SPATA4: variants seen among roughly 807,000 people sequenced by gnomAD.
SPATA4 encodes spermatogenesis associated 4.
SPATA4 carries 35 observed loss-of-function variants against 31.8 expected under a neutral mutation model. The observed-to-expected ratio is 1.10, with a 90% CI of 0.84 to 1.46. The LOEUF (loss-of-function observed/expected upper bound fraction) is 1.46, where lower values mean the gene tolerates loss of function less well. SPATA4 is among the 40% of genes most tolerant of loss of function. The pLI is 0.00. For synonymous variants in SPATA4, 126 were observed against 132.4 expected (o/e 0.95, Z 0.33); for missense variants, 394 against 363.1 (o/e 1.09, Z -0.69).
chr4:176,189,748 C>T (rs911160850), intron 4 of SPATA4, among the ~76,000 whole-genome samples: 4 of 152,146 alleles, frequency 2.6e-5, no homozygotes, highest in Non-Finnish European at 4.4e-5. Context: ...AAAGAACAGA[C>T]TACTCAAAAC....
In SPATA4 at chr4:176,185,547, G is replaced by C. The variant is rs138148360; in HGVS notation, c.806-655C>G. Among the ~76,000 whole-genome samples the C allele has an allele frequency of 2.2e-3, 340 of 152,296 alleles. 1 individual carries two copies. The highest frequency in any genetic ancestry group is 4.8e-3 in the Admixed American group (73 of 15,278). On this transcript the variant is annotated intron_variant, in intron 5 of 5. Coordinates refer to ENST00000280191, the MANE Select transcript of SPATA4 (RefSeq NM_144644.4). ...TTCAGTGCCATTATATGAAATCTTA[G>C]ATGGTAAAACAGAGTTACGTTCCTA... is the stretch of plus-strand genomic sequence containing the variant.
chr4:176,195,315 G>A (rs370688784), intron 1 of SPATA4, 30 bp downstream of exon 1: 36 of 1,607,814 alleles, frequency 2.2e-5, no homozygotes, highest in East Asian at 1.3e-4. Flanking sequence ...GCGCCCACCG[G>A]GGGGGCCTAG....
Position 176,193,046 on chromosome 4 carries a change from T to C in SPATA4, c.379A>G (p.Lys127Glu), listed in dbSNP as rs983934593. ...FLARKKFKLP[K>E]ELIHGTIHCK... ...TGAATTGTTCCATGGATTAGTTCTT[T>C]AGGTAATTTAAATTTTTTTCTTGCC... Residue 127 changes from lysine (K) to glutamate (E), a missense_variant, in exon 3 of 6, where the codon AAA (lysine) becomes GAA (glutamate). By Grantham distance (56) the Lys-to-Glu change is moderately conservative. Coordinates refer to ENST00000280191, the MANE Select transcript of SPATA4 (RefSeq NM_144644.4). 6.3e-7 allele frequency: 1 copy of C among 1,597,196 alleles called. No individual in the cohort carries two copies. Among genetic ancestry groups the C allele is most frequent in the South Asian group, 1.2e-5 (1 of 86,078 alleles).
At chr4:176,185,959 C>T (rs1050708903) in intron 5 of SPATA4, among the ~76,000 whole-genome samples, 4 of 152,052 alleles carry the variant, frequency 2.6e-5, no homozygotes, top group African/African-American at 9.7e-5. Context: ...ACCAGAGAAT[C>T]ATAAAAAAGA....
Position 176,184,733 on chromosome 4 carries a change from C to G in SPATA4, c.*47G>C, listed in dbSNP as rs977690120. The G allele has an allele frequency of 1.8e-6, 2 of 1,133,604 alleles. No homozygotes were observed. The allele number at this position is 1,133,604 out of a possible 1,614,324, so 70.2% of individuals were successfully genotyped here. A position where few individuals can be genotyped will look rare whatever the true frequency, so the allele number is the denominator to read the frequency against. Reference sequence around the variant, plus strand: ...AGGTGATTCTGTTTCTTTATTATGGCTAGAGATGGTGGCATCACTTCTTCA... The same window carrying G: ...AGGTGATTCTGTTTCTTTATTATGGGTAGAGATGGTGGCATCACTTCTTCA... On this transcript the variant is annotated 3_prime_UTR_variant, in exon 6 of 6. Coordinates refer to ENST00000280191, the MANE Select transcript of SPATA4 (RefSeq NM_144644.4).
chr4:176,195,358 T>C lies in SPATA4; in HGVS notation c.205A>G (p.Arg69Gly), dbSNP rs1204508916. Residue 69 changes from arginine (R) to glycine (G), a missense_variant, in exon 1 of 6, where the codon AGG (arginine) becomes GGG (glycine). Transcript: ENST00000280191. The stretch of plus-strand genomic sequence containing the variant: ...TTACTCAAGCACCTGTTGATGTTCC[T>C]GGGGAAGAAGCTGAGATCCAGACCC... ...LQGLDLSFFP[R>G]NINRDFSNGF... 7 of 1,614,038 alleles carry C rather than the reference T, an allele frequency of 4.3e-6. No homozygotes were observed. The South Asian group carries it at 7.7e-5, about 18-fold the overall frequency.
At chr4:176,191,943 ATGTT>A (rs1042436249) in intron 4 of SPATA4, among the ~76,000 whole-genome samples, 2 of 152,176 alleles carry the variant, frequency 1.3e-5, no homozygotes, top group African/African-American at 4.8e-5. Context: ...CTTTTCCCGA[ATGTT>A]TGGGTGCCAC....
At chr4:176,194,857 C>G (rs1374088100) in intron 1 of SPATA4, 1 of 154,668 alleles carries the variant, frequency 6.5e-6, no homozygotes, top group African/African-American at 2.4e-5. Flanking sequence ...CCTGCAGCCT[C>G]CCCAGTAGCT....
At chr4:176,188,425 A>C (rs75604999) in intron 4 of SPATA4, among the ~76,000 whole-genome samples, 190 bp from the exon 5 acceptor site, 8,060 of 152,236 alleles carry the variant, frequency 0.053, 416 homozygotes, top group East Asian at 0.24. Context: ...CAAAATAGTT[A>C]CTTTAAAGGT....
At chr4:176,191,353 C>T (rs953952554) in intron 4 of SPATA4, among the ~76,000 whole-genome samples, 3 of 152,162 alleles carry the variant, frequency 2.0e-5, no homozygotes, top group African/African-American at 7.2e-5. Flanking sequence ...CTTGGCCTCC[C>T]AAAGTGCTGG....
chr4:176,192,098 T>G (rs192696282), intron 4 of SPATA4, among the ~76,000 whole-genome samples: 87 of 152,320 alleles, frequency 5.7e-4, no homozygotes, highest in African/African-American at 2.0e-3. Context: ...TGCCAGTGAC[T>G]CTGGCAAATG....
In SPATA4 at chr4:176,184,705, A is replaced by T; in HGVS notation, c.*75T>A. On this transcript the variant is annotated 3_prime_UTR_variant, in exon 6 of 6. Coordinates refer to ENST00000280191, the MANE Select transcript of SPATA4 (RefSeq NM_144644.4). ...TATTTATTATTGAAATACATCCAAT[A>T]CTAGGTGATTCTGTTTCTTTATTAT... The T allele has an allele frequency of 1.3e-6, 1 of 753,300 alleles. No individual in the cohort carries two copies. The highest frequency in any genetic ancestry group is 2.1e-6 in the Non-Finnish European group (1 of 468,232). The allele number at this position is 753,300 out of a possible 1,614,324, so 46.7% of individuals were successfully genotyped here.
intron 2 of SPATA4, 77 bp downstream of exon 2, chr4:176,193,376 G>A (rs1752563233): frequency 6.5e-7 from 1 of 1,536,366 alleles, no homozygotes. Context: ...CATACACGTA[G>A]AGATCCAGGA....
chr4:176,191,311 GTC>G (rs1752528414), intron 4 of SPATA4, among the ~76,000 whole-genome samples: 4 of 152,108 alleles, frequency 2.6e-5, no homozygotes, highest in Admixed American at 2.6e-4. Context: ...GGTCAGGCTG[GTC>G]TCAAACTTTT....
intron 1 of SPATA4, 91 bp downstream of exon 1, chr4:176,195,254 C>T: frequency 1.6e-6 from 2 of 1,288,868 alleles, no homozygotes; most frequent in Non-Finnish European, 2.2e-6. Flanking sequence ...AAACATAAGC[C>T]AGGCCAGGGT....
In SPATA4 at chr4:176,195,401, G is replaced by A. The variant is rs368009200; in HGVS notation, c.162C>T (p.Ser54=). Residue 54 remains serine, a synonymous_variant, in exon 1 of 6, where the codon TCC becomes TCT. Coordinates refer to ENST00000280191, the MANE Select transcript of SPATA4 (RefSeq NM_144644.4). ...HAPKSSRLSR[S]VLRWLQGLDL... is the part of the protein sequence containing the mutation. ...CCAGACCCTGAAGCCAACGCAGAAC[G>A]GAACGAGACAAGCGGGAGCTCTTCG... is the stretch of plus-strand genomic sequence containing the variant. 2.3e-5 allele frequency: 37 copies of A among 1,614,102 alleles called. No homozygotes were observed. In the African/African-American group the frequency reaches 2.8e-4, roughly 12 times the overall value.
At position 176,186,548 on chromosome 4, in the gene SPATA4, T is replaced by G. The variant is rs17062570; in HGVS notation, c.805+1571A>C. Reference sequence around the variant, plus strand: ...ATCTAAAGGTGAAACTATGGATGCATTTTATTCATGGAAACATTGTTATCC... The same window carrying G: ...ATCTAAAGGTGAAACTATGGATGCAGTTTATTCATGGAAACATTGTTATCC... On this transcript the variant is annotated intron_variant, in intron 5 of 5. Coordinates refer to ENST00000280191, the MANE Select transcript of SPATA4 (RefSeq NM_144644.4). Among the ~76,000 whole-genome samples, 1,290 of 152,296 alleles carry G rather than the reference T, an allele frequency of 8.5e-3. 14 individuals are homozygous for G. The highest frequency in any genetic ancestry group is 0.03 in the African/African-American group (1,233 of 41,548).
rs760071051 is a variant in SPATA4 at position 176,193,501 on chromosome 4, G to A, written c.300C>T (p.Asn100=). ...PWELELSSFE[N]GTSLKVKLDN... ...CCAACTTGACTTTTAAAGAGGTCCC[G>A]TTTTCAAAGGATGATAATTCAAGTT... The change falls in exon 2 of 6, where the codon AAC becomes AAT. Residue 100 remains asparagine, a synonymous_variant. Coordinates refer to ENST00000280191, the MANE Select transcript of SPATA4 (RefSeq NM_144644.4). 7 of 1,613,536 alleles carry A rather than the reference G, an allele frequency of 4.3e-6. No individual in the cohort carries two copies. Among genetic ancestry groups the A allele is most frequent in the East Asian group, 2.2e-5 (1 of 44,858 alleles).
chr4:176,193,732 G>A (rs1752569715), intron 1 of SPATA4, 150 bp from the exon 2 acceptor site: 2 of 784,918 alleles, frequency 2.5e-6, no homozygotes, highest in African/African-American at 3.6e-5. Context: ...AACCTACTGT[G>A]GAATTTTGCT....
Sources: gnomAD v4.1 joint callset for allele counts (sites outside exome capture counted in the v4.1 genomes callset) on GRCh38, gnomAD v4.1.1 for gene constraint, MANE v1.5 for transcripts, NCBI Gene and HGNC (gene_info 2026-07-23, HGNC 2026-07-21) for gene names.